The following SIRPG variants were observed in gnomAD, a reference collection of about 807,000 sequenced individuals.
SIRPG encodes signal-regulatory protein gamma.
In SIRPG, 38 loss-of-function variants were observed where a neutral mutation model predicts 35.7. The observed-to-expected ratio is 1.06, with a 90% CI of 0.82 to 1.40. SIRPG has a LOEUF of 1.40. SIRPG is among the 40% of genes most tolerant of loss of function. SIRPG has a pLI of 0.00. For synonymous variants in SIRPG, 215 were observed against 190.4 expected (o/e 1.13, Z -1.06); for missense variants, 519 against 483.0 (o/e 1.07, Z -0.70).
intron 1 of SIRPG, among the ~76,000 whole-genome samples, chr20:1,655,273 A>T (rs987811667): frequency 1.3e-5 from 2 of 152,242 alleles, no homozygotes; most frequent in African/African-American, 4.8e-5. Context: ...TATGGAATCA[A>T]CCTAGGTGTC....
At chr20:1,631,034 A>T (rs2122393969) in intron 4 of SIRPG, among the ~76,000 whole-genome samples, 1 of 152,250 alleles carries the variant, frequency 6.6e-6, no homozygotes, top group South Asian at 2.1e-4. Flanking sequence ...TGTCATCTGA[A>T]ATCTTTCTGT....
intron 4 of SIRPG, among the ~76,000 whole-genome samples, chr20:1,631,333 C>G (rs1463016169): frequency 6.6e-6 from 1 of 152,160 alleles, no homozygotes; most frequent in African/African-American, 2.4e-5. Context: ...TCCAAGTTCA[C>G]TCCTCCTTCT....
intron 4 of SIRPG, among the ~76,000 whole-genome samples, chr20:1,632,200 A>G (rs977683234): frequency 6.6e-6 from 1 of 152,244 alleles, no homozygotes; most frequent in African/African-American, 2.4e-5. Context: ...TTGCAGCAGC[A>G]TAGCTACTTA....
Position 1,655,240 on chromosome 20 carries a change from A to G in SIRPG, c.73+2402T>C, listed in dbSNP as rs184863081. Among the ~76,000 whole-genome samples the G allele has an allele frequency of 6.7e-4, 102 of 152,350 alleles. 1 individual carries two copies. Among genetic ancestry groups the G allele is most frequent in the Non-Finnish European group, 5.6e-4 (38 of 68,032 alleles). On this transcript the variant is annotated intron_variant, in intron 1 of 5. Transcript: ENST00000303415. ...ATATCTGCACTCCCATGTCCATTGC[A>G]GCATTATTTACAAAAGCCAAGATAT...
At chr20:1,678,122 T>C in the SIRPG span, among the ~76,000 whole-genome samples, 1 of 152,188 alleles carries the variant, frequency 6.6e-6, no homozygotes, top group Admixed American at 6.5e-5. Flanking sequence ...TGGAAGCTGG[T>C]AACATTTCTT....
chr20:1,668,200 T>C, the SIRPG span, among the ~76,000 whole-genome samples: 6 of 11,528 alleles, frequency 5.2e-4, no homozygotes, highest in African/African-American at 1.7e-3. Flanking sequence ...TTTCTTTTCT[T>C]TTCTTTCTTT....
intron 2 of SIRPG, among the ~76,000 whole-genome samples, chr20:1,645,160 C>A (rs545184132): frequency 1.6e-4 from 24 of 152,256 alleles, no homozygotes; most frequent in Admixed American, 1.4e-3. Context: ...TATCTTGGGT[C>A]CTGAGGCCCG....
chr20:1,674,661 C>T, the SIRPG span, among the ~76,000 whole-genome samples: 2 of 152,200 alleles, frequency 1.3e-5, no homozygotes, highest in East Asian at 3.9e-4. Flanking sequence ...CTCTCCCATC[C>T]TCACAGAACC....
chr20:1,635,716 G>T (rs2091793478), intron 3 of SIRPG, 117 bp from the exon 4 acceptor site: 1 of 1,074,344 alleles, frequency 9.3e-7, no homozygotes, highest in Non-Finnish European at 1.3e-6. Context: ...TGCTAGGCAG[G>T]CAGCAGATGC....
chr20:1,676,437 C>T, the SIRPG span, among the ~76,000 whole-genome samples: 1 of 152,158 alleles, frequency 6.6e-6, no homozygotes, highest in African/African-American at 2.4e-5. Flanking sequence ...ATAAATTGGA[C>T]TATTCTGCAG....
At chr20:1,683,040 CA>C in the SIRPG span, among the ~76,000 whole-genome samples, 3 of 152,150 alleles carry the variant, frequency 2.0e-5, no homozygotes, top group Non-Finnish European at 4.4e-5. Flanking sequence ...AGAACTCAAG[CA>C]ACTCAATTAT....
chr20:1,655,093 T>C (rs1163587028), intron 1 of SIRPG, among the ~76,000 whole-genome samples: 4 of 152,198 alleles, frequency 2.6e-5, no homozygotes, highest in African/African-American at 9.7e-5. Flanking sequence ...TATAAATTAG[T>C]AGAGCCATTA....
chr20:1,680,656 A>G, the SIRPG span, among the ~76,000 whole-genome samples: 1 of 152,222 alleles, frequency 6.6e-6, no homozygotes. Context: ...GTTTCAGTAA[A>G]CAAATGACAA....
chr20:1,657,518 G>T, intron 1 of SIRPG, 124 bp downstream of exon 1: 2 of 939,834 alleles, frequency 2.1e-6, no homozygotes, highest in Non-Finnish European at 3.4e-6. Context: ...TCTGCTCTTG[G>T]ACAATGTCCA....
the SIRPG span, among the ~76,000 whole-genome samples, chr20:1,673,830 G>C: frequency 6.6e-4 from 100 of 152,306 alleles, no homozygotes; most frequent in African/African-American, 2.2e-3. Flanking sequence ...GTGGAGGCAG[G>C]GAGGCTCCTG....
In SIRPG at chr20:1,636,505, G is replaced by T; in HGVS notation, c.431C>A (p.Ala144Asp). 3.1e-6 allele frequency: 5 copies of T among 1,614,054 alleles called. No individual in the cohort carries two copies. The highest frequency in any genetic ancestry group is 4.2e-6 in the Non-Finnish European group (5 of 1,179,902). ...SGPGTEMALG[A>D]KPSAPVVLGP... ...CAATACCACGGGGGCAGAGGGTTTGGCTACAAAAGGGGCATCGATAAACAG... is the reference window on the plus strand; with the variant it reads ...CAATACCACGGGGGCAGAGGGTTTGTCTACAAAAGGGGCATCGATAAACAG... The change falls in exon 3 of 6, where the codon GCC becomes GAC. Residue 144 changes from alanine (A) to aspartate (D), a missense_variant and splice_region_variant. By Grantham distance (126) the Ala-to-Asp change is moderately radical. Transcript: ENST00000303415.
chr20:1,677,887 T>G, the SIRPG span, among the ~76,000 whole-genome samples: 1 of 152,180 alleles, frequency 6.6e-6, no homozygotes, highest in Non-Finnish European at 1.5e-5. Context: ...AATATTGTAT[T>G]GAATTTAGTA....
At chr20:1,675,751 T>G in the SIRPG span, among the ~76,000 whole-genome samples, 1 of 152,244 alleles carries the variant, frequency 6.6e-6, no homozygotes, top group South Asian at 2.1e-4. Flanking sequence ...AAGTTCTGTT[T>G]AGAAATAACT....
At chr20:1,661,734 A>G (rs996074679), upstream of SIRPG, among the ~76,000 whole-genome samples, 4 of 152,210 alleles carry the variant, frequency 2.6e-5, no homozygotes, top group African/African-American at 9.6e-5. Context: ...TCCATTGTGA[A>G]AGAGGAAGTG....
Sources: allele counts gnomAD v4.1 joint callset (sites outside exome capture counted in the v4.1 genomes callset), GRCh38; gene constraint gnomAD v4.1.1; transcripts MANE v1.5; gene names NCBI Gene and HGNC (gene_info 2026-07-23, HGNC 2026-07-21).